TEAD4: variants seen among roughly 807,000 people sequenced by gnomAD.
TEAD4 encodes the protein TEA domain transcription factor 4.
Under a neutral mutation model 52.4 loss-of-function variants are expected in TEAD4, and 36 were observed. The ratio of observed to expected loss-of-function variants is 0.69; its 90% confidence interval spans 0.53 to 0.91. The LOEUF is 0.91. Ranked by LOEUF, TEAD4 falls within the 40% of genes least tolerant of loss-of-function variation. The pLI, the probability that TEAD4 is intolerant of heterozygous loss-of-function variation, is 0.00. For synonymous variants in TEAD4, 220 were observed against 231.0 expected, an observed-to-expected ratio of 0.95 and a Z score of 0.43; for missense variants, 508 against 583.9, an observed-to-expected ratio of 0.87 and a Z score of 1.34.
Position 3,040,229 on chromosome 12 carries a change from C to T in TEAD4, c.1161C>T (p.Asn387=), listed in dbSNP as rs1419491725. 1.2e-6 allele frequency: 2 copies of T among 1,614,256 alleles called. No homozygotes were observed. The change falls in exon 12 of 13, where the codon AAC becomes AAT. Residue 387 remains asparagine, a synonymous_variant. Transcript: ENST00000359864. ...ACCTCCCTGAGAAGTACATGATGAA[C>T]AGCGTGCTGGAGAACTTCACCATCC...
At chr12:2,963,046 G>A (rs186465251) in intron 2 of TEAD4, among the ~76,000 whole-genome samples, 50 of 152,354 alleles carry the variant, frequency 3.3e-4, no homozygotes, top group African/African-American at 1.1e-3. Context: ...CGACCTGGCA[G>A]AAAGCACATA....
chr12:3,029,121 T>G (rs1591597520), intron 10 of TEAD4, among the ~76,000 whole-genome samples: 1 of 151,958 alleles, frequency 6.6e-6, no homozygotes, highest in Admixed American at 6.6e-5. Context: ...CAGGCTGGAG[T>G]GCACTGGCAT....
At chr12:2,962,439 G>T (rs190998236) in intron 2 of TEAD4, among the ~76,000 whole-genome samples, 11 of 151,062 alleles carry the variant, frequency 7.3e-5, no homozygotes, top group Admixed American at 4.0e-4. Context: ...GGGTTCAAGC[G>T]ATTCTCCTGC....
chr12:3,018,493 G>A, intron 6 of TEAD4, 52 bp from the exon 7 acceptor site: 2 of 1,612,856 alleles, frequency 1.2e-6, no homozygotes, highest in South Asian at 2.2e-5. Context: ...CACACCACAG[G>A]GCCCCGGGTG....
At chr12:2,989,488 G>C (rs2098241353) in intron 2 of TEAD4, among the ~76,000 whole-genome samples, 1 of 152,110 alleles carries the variant, frequency 6.6e-6, no homozygotes, top group Non-Finnish European at 1.5e-5. Flanking sequence ...GCCCAGGCTG[G>C]AGTGCAATGG....
At chr12:2,984,315 C>T (rs1405182369) in intron 2 of TEAD4, among the ~76,000 whole-genome samples, 1 of 152,146 alleles carries the variant, frequency 6.6e-6, no homozygotes. Context: ...ATCAGGTTTG[C>T]ATTTTAGAAA....
Position 2,999,701 on chromosome 12 carries a change from T to G in TEAD4, c.226+4709T>G, listed in dbSNP as rs183420114. Among the ~76,000 whole-genome samples the G allele has an allele frequency of 2.0e-3, 303 of 152,020 alleles. 2 individuals are homozygous for G. The highest frequency in any genetic ancestry group is 6.9e-3 in the African/African-American group (287 of 41,318). On this transcript the variant is annotated intron_variant, in intron 3 of 12. Transcript: ENST00000359864. ...ACCCTCCCCCTGGCACAGCCAACGC[T>G]GGCCACCCTGACCTCCTTTGGCCAG...
chr12:2,969,770 A>AACAAGC (rs1447108326), intron 2 of TEAD4, among the ~76,000 whole-genome samples: 1 of 152,164 alleles, frequency 6.6e-6, no homozygotes, highest in Non-Finnish European at 1.5e-5. Context: ...TCTTTGTCCA[A>AACAAGC]ACAAGCACGG....
chr12:3,006,916 C>T (rs546898060), intron 3 of TEAD4, among the ~76,000 whole-genome samples: 2 of 152,142 alleles, frequency 1.3e-5, no homozygotes, highest in African/African-American at 4.8e-5. Flanking sequence ...ATCCCAGCTA[C>T]TTGGGAGGCT....
chr12:2,973,080 A>G (rs772389243), intron 2 of TEAD4, among the ~76,000 whole-genome samples: 5 of 150,530 alleles, frequency 3.3e-5, no homozygotes, highest in Non-Finnish European at 5.9e-5. Flanking sequence ...ATGTCTCACA[A>G]ATGGAATCAT....
At chr12:3,034,033 ATC>A (rs1430713544) in intron 10 of TEAD4, among the ~76,000 whole-genome samples, 1 of 151,064 alleles carries the variant, frequency 6.6e-6, no homozygotes, top group Non-Finnish European at 1.5e-5. Context: ...TGATTGTGGG[ATC>A]TCTCTTTCTC....
At chr12:2,990,847 C>T (rs1411662848) in intron 2 of TEAD4, among the ~76,000 whole-genome samples, 1 of 152,094 alleles carries the variant, frequency 6.6e-6, no homozygotes, top group Non-Finnish European at 1.5e-5. Flanking sequence ...AGGTATAGTT[C>T]CCAGTTTCAG....
intron 2 of TEAD4, among the ~76,000 whole-genome samples, chr12:2,963,645 G>T (rs1315790226): frequency 1.3e-5 from 2 of 152,304 alleles, no homozygotes; most frequent in South Asian, 2.1e-4. Flanking sequence ...TGAGATGACG[G>T]TTCTTCCCTT....
At chr12:3,025,760 C>A (rs1427010730) in intron 10 of TEAD4, among the ~76,000 whole-genome samples, 3 of 152,118 alleles carry the variant, frequency 2.0e-5, no homozygotes, top group Non-Finnish European at 4.4e-5. Flanking sequence ...TGGTCTTGAA[C>A]TCCTGGTCTC....
intron 3 of TEAD4, among the ~76,000 whole-genome samples, chr12:2,996,007 CAA>C (rs553074088): frequency 2.6e-4 from 31 of 119,716 alleles, no homozygotes; most frequent in Non-Finnish European, 2.7e-4. Context: ...GGCCCTGTTT[CAA>C]AAAAAAAAAA....
intron 2 of TEAD4, among the ~76,000 whole-genome samples, chr12:2,986,818 C>T (rs2098238942): frequency 6.6e-6 from 1 of 152,074 alleles, no homozygotes; most frequent in Non-Finnish European, 1.5e-5. Flanking sequence ...TTGTTTTACA[C>T]CAGTGCCACC....
At chr12:2,979,131 G>C (rs1025084059) in intron 2 of TEAD4, among the ~76,000 whole-genome samples, 2 of 152,074 alleles carry the variant, frequency 1.3e-5, no homozygotes, top group African/African-American at 2.4e-5. Flanking sequence ...GGCCAGGCTG[G>C]TCTCGAGCTC....
intron 2 of TEAD4, among the ~76,000 whole-genome samples, chr12:2,993,606 G>A (rs2098244891): frequency 6.6e-6 from 1 of 151,952 alleles, no homozygotes. Flanking sequence ...GAGTAGCTGG[G>A]ACTATAGGTG....
intron 2 of TEAD4, among the ~76,000 whole-genome samples, chr12:2,964,439 C>T (rs919677296): frequency 9.9e-5 from 15 of 151,190 alleles, no homozygotes; most frequent in Non-Finnish European, 2.9e-5. Flanking sequence ...CGCTGGACAA[C>T]GTGAGGGATT....
Sources: gnomAD v4.1 joint callset for allele counts (sites outside exome capture counted in the v4.1 genomes callset) on GRCh38, gnomAD v4.1.1 for gene constraint, MANE v1.5 for transcripts, NCBI Gene and HGNC (gene_info 2026-07-23, HGNC 2026-07-21) for gene names.